Variants in TSBP1 observed in about 807,000 individuals in gnomAD.
The protein encoded by TSBP1 is testis expressed basic protein 1.
A neutral mutation model predicts 68.8 loss-of-function variants in TSBP1; 56 were observed. The ratio of observed to expected loss-of-function variants is 0.81; its 90% confidence interval spans 0.66 to 1.02. TSBP1 has a LOEUF of 1.02. Among genes scored for constraint, TSBP1 ranks in the 50% least tolerant of loss-of-function variants. The pLI is 0.00. For synonymous variants in TSBP1, 171 were observed against 208.7 expected, an observed-to-expected ratio of 0.82 and a Z score of 1.56; for missense variants, 502 against 641.2, an observed-to-expected ratio of 0.78 and a Z score of 2.34.
At position 32,332,016 on chromosome 6, in the gene TSBP1, T is replaced by G; in HGVS notation, c.493+18A>C. On this transcript the variant is annotated intron_variant, in intron 15 of 22. Transcript: ENST00000612031. ...TAAGAAGCCAGTAGAGATAAGTTGA[T>G]ATATACAGGCAGCTTACCAATAGGT... 6.3e-7 allele frequency: 1 copy of G among 1,581,562 alleles called. No homozygotes were observed.
At chr6:32,330,553 G>C in intron 16 of TSBP1, 36 bp downstream of exon 17, 2 of 1,597,126 alleles carry the variant, frequency 1.3e-6, no homozygotes, top group Non-Finnish European at 1.7e-6. Flanking sequence ...AGAAGATCAA[G>C]GAACCTGGAG....
chr6:32,347,644 A>G (rs552658140), intron 9 of TSBP1, among the ~76,000 whole-genome samples: 4 of 152,170 alleles, frequency 2.6e-5, no homozygotes, highest in Non-Finnish European at 5.9e-5. Context: ...ATGTGGCTTT[A>G]TCCCTTCCCT....
Position 32,314,315 on chromosome 6 carries a change from G to A in TSBP1, c.580+1457C>T, listed in dbSNP as rs554861323. ...TGTTGGATTTTTACATTATTTCCCT[G>A]CCCATCCTCTTTGATGACTCCTCTG... is the stretch of plus-strand genomic sequence containing the variant. On this transcript the variant is annotated intron_variant, in intron 19 of 22. Coordinates refer to ENST00000612031, the Ensembl canonical transcript of TSBP1. The surrounding 1 kb of genome is among the most constrained non-coding windows in gnomAD (Gnocchi z 4.2). 6.6e-6 allele frequency among the ~76,000 whole-genome samples: 1 copy of A among 152,044 alleles called. No homozygotes were observed. The highest frequency in any genetic ancestry group is 1.9e-4 in the East Asian group (1 of 5,172).
intron 18 of TSBP1, among the ~76,000 whole-genome samples, chr6:32,319,203 T>C (rs1190777372): frequency 6.6e-6 from 1 of 152,192 alleles, no homozygotes; most frequent in Non-Finnish European, 1.5e-5. Flanking sequence ...GGAGTAACCC[T>C]TGGTGTCTTC....
chr6:32,302,463 CA>C lies in TSBP1; in HGVS notation c.601+145del. 1 of 690,870 alleles carries C rather than the reference CA, an allele frequency of 1.4e-6. No individual in the cohort carries two copies. Among genetic ancestry groups the C allele is most frequent in the Non-Finnish European group, 2.6e-6 (1 of 387,762 alleles). 42.8% of individuals were successfully genotyped at this position (690,870 alleles called of 1,614,324 possible). A position where few individuals can be genotyped will look rare whatever the true frequency, so the allele number is the denominator to read the frequency against. On this transcript the variant is annotated intron_variant, in intron 20 of 22. Transcript: ENST00000612031. This position sits in a 1 kb window ranked among gnomAD's most constrained non-coding sequence, Gnocchi z 5.1. ...AGCAAGACCCTGTCTCAGAACAAAA[CA>C]AAACCAAAAACACCAAACAAACCAA...
At chr6:32,327,169 A>T (rs1235000687) in intron 16 of TSBP1, among the ~76,000 whole-genome samples, 1 of 152,222 alleles carries the variant, frequency 6.6e-6, no homozygotes, top group Admixed American at 6.5e-5. Flanking sequence ...TAAGCAAAAG[A>T]AATGAAGAAA....
intron 19 of TSBP1, among the ~76,000 whole-genome samples, chr6:32,310,754 T>TAC (rs1378050875): frequency 4.0e-4 from 55 of 139,056 alleles, no homozygotes; most frequent in African/African-American, 1.4e-3. Context: ...CATATATATA[T>TAC]ATATATATTT....
intron 20 of TSBP1, among the ~76,000 whole-genome samples, chr6:32,301,008 A>G (rs1765227673): frequency 7.1e-6 from 1 of 140,280 alleles, no homozygotes; most frequent in Non-Finnish European, 1.6e-5. Context: ...TGCTAACATT[A>G]TTTTTTGACA....
intron 18 of TSBP1, among the ~76,000 whole-genome samples, chr6:32,318,969 G>GT (rs1403034373): frequency 6.6e-6 from 1 of 152,100 alleles, no homozygotes; most frequent in Non-Finnish European, 1.5e-5. Flanking sequence ...AAAATTATGG[G>GT]TTCTAATGCA....
At position 32,333,211 on chromosome 6, in the gene TSBP1, C is replaced by T. The variant is rs1769261886; in HGVS notation, c.473-1157G>A. Among the ~76,000 whole-genome samples, 1 of 151,322 alleles carries T rather than the reference C, an allele frequency of 6.6e-6. No homozygotes were observed. Among genetic ancestry groups the T allele is most frequent in the Admixed American group, 6.6e-5 (1 of 15,200 alleles). On this transcript the variant is annotated intron_variant, in intron 14 of 22. Transcript: ENST00000612031. This position sits in a 1 kb window ranked among gnomAD's most constrained non-coding sequence, Gnocchi z 4.2. ...TTTTTAAGTAGAGATGGGGTTTCAC[C>T]ATATTGGCCAGGCTGGTCTCAAACT...
chr6:32,329,597 T>A lies in TSBP1; in HGVS notation c.514+992A>T, dbSNP rs117501820. ...CTGCCTGCCCTCTACACATTTTGGGTTTGTTTTCCCAAGTTATCTTATAGG... is the reference window on the plus strand; with the variant it reads ...CTGCCTGCCCTCTACACATTTTGGGATTGTTTTCCCAAGTTATCTTATAGG... On this transcript the variant is annotated intron_variant, in intron 16 of 22. Coordinates refer to ENST00000612031, the Ensembl canonical transcript of TSBP1. 1.0e-3 allele frequency among the ~76,000 whole-genome samples: 155 copies of A among 152,272 alleles called. No individual in the cohort carries two copies. The East Asian group carries it at 0.03, about 29-fold the overall frequency.
At chr6:32,350,843 A>G (rs920831351) in intron 8 of TSBP1, among the ~76,000 whole-genome samples, 2 of 152,166 alleles carry the variant, frequency 1.3e-5, no homozygotes, top group Admixed American at 6.5e-5. Context: ...GGAAGGGCAG[A>G]ATGGTGTGAT....
At chr6:32,330,559 T>C in intron 16 of TSBP1, 30 bp downstream of exon 17, 2 of 1,604,390 alleles carry the variant, frequency 1.2e-6, no homozygotes, top group South Asian at 1.1e-5. Context: ...TCAAGGAACC[T>C]GGAGGGAGAA....
At chr6:32,305,599 G>A (rs907867688) in intron 19 of TSBP1, among the ~76,000 whole-genome samples, 1 of 152,138 alleles carries the variant, frequency 6.6e-6, no homozygotes, top group African/African-American at 2.4e-5. Flanking sequence ...AAAGCAGCCC[G>A]ATTCTCCTAC....
intron 1 of TSBP1, 55 bp from the exon 2 acceptor site, chr6:32,370,038 A>AAGTTGTTTCTGGT: frequency 8.6e-7 from 1 of 1,162,632 alleles, no homozygotes; most frequent in Non-Finnish European, 1.3e-6. Context: ...AAATTACCAG[A>AAGTTGTTTCTGGT]AACAACTTCT....
At chr6:32,369,373 A>AT (rs9281761) in intron 2 of TSBP1, among the ~76,000 whole-genome samples, 8,878 of 126,926 alleles carry the variant, frequency 0.07, 610 homozygotes, top group Admixed American at 0.093. Context: ...AAACTCTGTG[A>AT]TTTTTTTTTT....
At chr6:32,296,577 A>G (rs1764750051) in intron 22 of TSBP1, among the ~76,000 whole-genome samples, 1 of 152,210 alleles carries the variant, frequency 6.6e-6, no homozygotes, top group Admixed American at 6.5e-5. Flanking sequence ...CTACCAGTGG[A>G]CACTGTTTTG....
chr6:32,367,866 T>G, intron 4 of TSBP1, 59 bp downstream of exon 4: 1 of 1,286,414 alleles, frequency 7.8e-7, no homozygotes, highest in East Asian at 2.4e-5. Context: ...GATGAGTTGA[T>G]TCACACTCTA....
intron 18 of TSBP1, among the ~76,000 whole-genome samples, chr6:32,318,377 T>G (rs1275385153): frequency 6.6e-6 from 1 of 152,148 alleles, no homozygotes; most frequent in Non-Finnish European, 1.5e-5. Flanking sequence ...GATGAAATAA[T>G]CTGTACAACA....
Sources: gnomAD v4.1 joint callset for allele counts (sites outside exome capture counted in the v4.1 genomes callset) on GRCh38, gnomAD v4.1.1 for gene constraint, Gnocchi (gnomAD v3.1) non-coding constraint, MANE v1.5 for transcripts, NCBI Gene and HGNC (gene_info 2026-07-23, HGNC 2026-07-21) for gene names.